RUSC2: variants seen among roughly 807,000 people sequenced by gnomAD.
The protein encoded by RUSC2 is AP-4 complex accessory subunit RUSC2.
RUSC2 carries 34 observed loss-of-function variants against 122.2 expected under a neutral mutation model. That is an observed-to-expected ratio of 0.28 (90% CI 0.21 to 0.37). The LOEUF (loss-of-function observed/expected upper bound fraction) is 0.37, where lower values mean the gene tolerates loss of function less well. Among genes scored for constraint, RUSC2 ranks in the 10% least tolerant of loss-of-function variants. The pLI is 1.00. For missense variants in RUSC2, 1,747 were observed against 1,952.4 expected, an observed-to-expected ratio of 0.89 and a Z score of 1.98; for synonymous variants, 784 against 790.0, an observed-to-expected ratio of 0.99 and a Z score of 0.13.
chr9:35,561,261 TGGGGCGAGCTGGA>T lies in RUSC2; in HGVS notation c.4433_4445del (p.Gly1478GlufsTer20). On this transcript the variant is annotated frameshift_variant, in exon 12 of 12. Coordinates refer to ENST00000361226, the MANE Select transcript of RUSC2 (RefSeq NM_014806.5). LOFTEE classifies it high-confidence loss of function. ...CACAAAGGAGACATCCTACGAGTGC[TGGGGCGAGCTGGA>T]GGAGACTGGCTGCGCTGCAGCCGTG... is the stretch of plus-strand genomic sequence containing the variant. The T allele has an allele frequency of 6.2e-7, 1 of 1,614,168 alleles. No homozygotes were observed. The highest frequency in any genetic ancestry group is 8.5e-7 in the Non-Finnish European group (1 of 1,180,016).
At chr9:35,542,070 G>T (rs1038393683) in intron 1 of RUSC2, among the ~76,000 whole-genome samples, 1 of 152,122 alleles carries the variant, frequency 6.6e-6, no homozygotes, top group African/African-American at 2.4e-5. Context: ...TGTGAATGGG[G>T]TGGGCAAAGC....
Position 35,548,396 on chromosome 9 carries a change from C to A in RUSC2, c.1875C>A (p.Pro625=). 6.2e-7 allele frequency: 1 copy of A among 1,614,048 alleles called. No individual in the cohort carries two copies. The highest frequency in any genetic ancestry group is 8.5e-7 in the Non-Finnish European group (1 of 1,180,024). Residue 625 remains proline (P), a synonymous_variant, in exon 2 of 12, where the codon CCC becomes CCA. Transcript: ENST00000361226. The surrounding 1 kb of genome is among the most constrained non-coding windows in gnomAD (Gnocchi z 4.5). The part of the protein sequence containing the change: ...PPWSTQVCQG[P]HSSEMPPAGL... ...GGTCCACCCAGGTCTGTCAGGGACC[C>A]CACTCCAGTGAGATGCCTCCTGCTG...
chr9:35,515,227 G>A lies in RUSC2; in HGVS notation c.-93+25055G>A, dbSNP rs370630124. On this transcript the variant is annotated intron_variant, in intron 1 of 11. Transcript: ENST00000361226. The stretch of plus-strand genomic sequence containing the variant: ...GCAAAGATTTAACATTAAAAATCCC[G>A]TTTTCTTGTAAAGAGTAAACAAGTG... 8.1e-4 allele frequency among the ~76,000 whole-genome samples: 124 copies of A among 152,218 alleles called. 1 individual carries two copies. The South Asian group carries it at 9.1e-3, about 11-fold the overall frequency.
rs1822076554 is a variant in RUSC2 at position 35,558,654 on chromosome 9, T to C, written c.3341+87T>C. The C allele has an allele frequency of 5.4e-6, 6 of 1,115,210 alleles. No individual in the cohort carries two copies. The highest frequency in any genetic ancestry group is 8.2e-6 in the Non-Finnish European group (6 of 733,516). 69.1% of individuals were successfully genotyped at this position (1,115,210 alleles called of 1,614,324 possible). ...TGCCTGCACCAAGGAAACAACGCCC[T>C]GGACAGACAGAAAGGGTGGATCTGG... On this transcript the variant is annotated intron_variant, in intron 8 of 11. Transcript: ENST00000361226. The surrounding 1 kb of genome is among the most constrained non-coding windows in gnomAD (Gnocchi z 4.3).
chr9:35,524,963 T>G (rs1179808917), intron 1 of RUSC2, among the ~76,000 whole-genome samples: 1 of 146,806 alleles, frequency 6.8e-6, no homozygotes, highest in African/African-American at 2.5e-5. Flanking sequence ...AGAGCGAGAC[T>G]CCATCTCAAA....
In RUSC2 at chr9:35,546,579, G is replaced by C; in HGVS notation, c.58G>C (p.Val20Leu). The C allele has an allele frequency of 1.3e-6, 2 of 1,504,340 alleles. No individual in the cohort carries two copies. The highest frequency in any genetic ancestry group is 2.3e-5 in the East Asian group (1 of 42,796). The allele number at this position is 1,504,340 out of a possible 1,614,324, so 93.2% of individuals were successfully genotyped here. A position where few individuals can be genotyped will look rare whatever the true frequency, so the allele number is the denominator to read the frequency against. ...CCTCATCGTTCATCACATCCCCCTG[G>C]TGCACTGCCAAGTCCCAGACAGGCA... Reference protein sequence around the residue: ...ETLIVHHIPLVHCQVPDRQCC... With the variant: ...ETLIVHHIPLLHCQVPDRQCC... The change falls in exon 2 of 12, where the codon GTG becomes CTG. Residue 20 changes from valine (V) to leucine (L), a missense_variant. Coordinates refer to ENST00000361226, the MANE Select transcript of RUSC2 (RefSeq NM_014806.5). This position sits in a 1 kb window ranked among gnomAD's most constrained non-coding sequence, Gnocchi z 4.3.
chr9:35,497,214 C>T (rs747193247), intron 1 of RUSC2, among the ~76,000 whole-genome samples: 6 of 152,154 alleles, frequency 3.9e-5, no homozygotes, highest in Non-Finnish European at 2.9e-5. Flanking sequence ...AAGAGAGATA[C>T]GACACAGCAG....
intron 1 of RUSC2, among the ~76,000 whole-genome samples, chr9:35,543,385 G>A (rs937190223): frequency 6.6e-6 from 1 of 152,056 alleles, no homozygotes; most frequent in Non-Finnish European, 1.5e-5. Flanking sequence ...TCGCACCACT[G>A]CACTCCAGCC....
chr9:35,559,942 C>T, intron 9 of RUSC2, 87 bp from the exon 10 acceptor site: 1 of 1,122,548 alleles, frequency 8.9e-7, no homozygotes, highest in Non-Finnish European at 1.3e-6. Context: ...CTGTCTGCAG[C>T]AGCTCTGCCC....
Position 35,557,892 on chromosome 9 carries a change from C to T in RUSC2, c.2984-22C>T. 1 of 1,610,548 alleles carries T rather than the reference C, an allele frequency of 6.2e-7. No homozygotes were observed. The highest frequency in any genetic ancestry group is 8.5e-7 in the Non-Finnish European group (1 of 1,176,712). On this transcript the variant is annotated intron_variant, in intron 5 of 11. Coordinates refer to ENST00000361226, the MANE Select transcript of RUSC2 (RefSeq NM_014806.5). This position sits in a 1 kb window ranked among gnomAD's most constrained non-coding sequence, Gnocchi z 4.6. ...GTTAAGGACTTGCTCAGGGACCTGTCACATCACATTCTTCCCTGCAGGGCT... is the reference window on the plus strand; with the variant it reads ...GTTAAGGACTTGCTCAGGGACCTGTTACATCACATTCTTCCCTGCAGGGCT...
At chr9:35,534,491 TA>T in intron 1 of RUSC2, among the ~76,000 whole-genome samples, 1 of 152,166 alleles carries the variant, frequency 6.6e-6, no homozygotes, top group Non-Finnish European at 1.5e-5. Flanking sequence ...TTTACTTATT[TA>T]TTTTTTTGAG....
intron 1 of RUSC2, among the ~76,000 whole-genome samples, chr9:35,536,939 A>G (rs1251816875): frequency 6.6e-6 from 1 of 152,090 alleles, no homozygotes; most frequent in Non-Finnish European, 1.5e-5. Context: ...GGCATGTTGA[A>G]GAAAGGTGGT....
intron 1 of RUSC2, among the ~76,000 whole-genome samples, chr9:35,544,862 A>G (rs1821714750): frequency 6.6e-6 from 1 of 152,072 alleles, no homozygotes; most frequent in African/African-American, 2.4e-5. Context: ...ATTTACTCCT[A>G]TGTTTTCTTC....
At chr9:35,551,829 GC>G (rs1254746230) in intron 2 of RUSC2, among the ~76,000 whole-genome samples, 2 of 152,204 alleles carry the variant, frequency 1.3e-5, no homozygotes, top group East Asian at 1.9e-4. Flanking sequence ...GGAGGCTGAG[GC>G]AGGAGGATCA....
rs754913285 is a variant in RUSC2 at position 35,560,156 on chromosome 9, G to A, written c.3516G>A (p.Leu1172=). Residue 1172 remains leucine (L), a synonymous_variant, in exon 10 of 12, where the codon TTG becomes TTA. Transcript: ENST00000361226. ...CCCTGCTGCCCTTCAGCCTCGACTTGCTGTTCCAGCACCGGCTGCTGCAAA... is the reference window on the plus strand; with the variant it reads ...CCCTGCTGCCCTTCAGCCTCGACTTACTGTTCCAGCACCGGCTGCTGCAAA... The part of the protein sequence containing the change: ...PLALLPFSLD[L]LFQHRLLQSG... 27 of 1,608,598 alleles carry A rather than the reference G, an allele frequency of 1.7e-5. No individual in the cohort carries two copies. In the Admixed American group the frequency reaches 3.3e-4, roughly 20 times the overall value.
chr9:35,517,506 CAA>C (rs1206605346), intron 1 of RUSC2, among the ~76,000 whole-genome samples: 1 of 140,554 alleles, frequency 7.1e-6, no homozygotes, highest in African/African-American at 2.6e-5. Flanking sequence ...CCTGGGCCCA[CAA>C]ACAGGGGAGA....
rs1255257479 is a variant in RUSC2 at position 35,547,791 on chromosome 9, C to T, written c.1270C>T (p.His424Tyr). Residue 424 changes from histidine to tyrosine, a missense_variant, in exon 2 of 12, where the codon CAC becomes TAC. Coordinates refer to ENST00000361226, the MANE Select transcript of RUSC2 (RefSeq NM_014806.5). This position sits in a 1 kb window ranked among gnomAD's most constrained non-coding sequence, Gnocchi z 4.6. ...TTCCATCACTAGCTGCTCTGAGGAA[C>T]ACACCAAGATAAGTCCCCCACCAGG... is the stretch of plus-strand genomic sequence containing the variant. ...GSSITSCSEE[H>Y]TKISPPPGPG... 6.2e-7 allele frequency: 1 copy of T among 1,614,174 alleles called. No individual in the cohort carries two copies. The highest frequency in any genetic ancestry group is 1.7e-5 in the Admixed American group (1 of 60,024).
rs762004806 is a variant in RUSC2 at position 35,548,060 on chromosome 9, G to A, written c.1539G>A (p.Ser513=). The A allele has an allele frequency of 2.1e-5, 34 of 1,613,222 alleles. No individual in the cohort carries two copies. The highest frequency in any genetic ancestry group is 8.9e-5 in the East Asian group (4 of 44,896). Residue 513 remains serine (S), a synonymous_variant, in exon 2 of 12, where the codon TCG becomes TCA. Coordinates refer to ENST00000361226, the MANE Select transcript of RUSC2 (RefSeq NM_014806.5). This position sits in a 1 kb window ranked among gnomAD's most constrained non-coding sequence, Gnocchi z 4.5. The stretch of plus-strand genomic sequence containing the variant: ...GCAGCCCTCCTGTCCGCCTGGGCTC[G>A]CTGGAACGTATGTTGAGTTGCCCAG... ...LQRSPPVRLG[S]LERMLSCPVR...
At chr9:35,504,665 A>C (rs1034218416) in intron 1 of RUSC2, among the ~76,000 whole-genome samples, 5 of 152,112 alleles carry the variant, frequency 3.3e-5, no homozygotes, top group African/African-American at 1.2e-4. Context: ...GGGTTTCACC[A>C]CGTTGGCCAG....
Sources: allele counts gnomAD v4.1 joint callset (sites outside exome capture counted in the v4.1 genomes callset), GRCh38; gene constraint gnomAD v4.1.1; non-coding constraint Gnocchi (gnomAD v3.1); transcripts MANE v1.5; gene names NCBI Gene and HGNC (gene_info 2026-07-23, HGNC 2026-07-21).